Variants in KATNB1 observed in about 807,000 individuals in gnomAD.
KATNB1 encodes the protein katanin p80 WD40 repeat-containing subunit B1.
In KATNB1, 38 loss-of-function variants were observed where a neutral mutation model predicts 82.3. That is an observed-to-expected ratio of 0.46 (90% CI 0.36 to 0.61). KATNB1 has a LOEUF of 0.61. KATNB1 is among the 20% of genes least tolerant of loss of function. The pLI, the probability that KATNB1 is intolerant of heterozygous loss-of-function variation, is 0.00. For synonymous variants in KATNB1, 361 were observed against 368.7 expected, an observed-to-expected ratio of 0.98 and a Z score of 0.24; for missense variants, 749 against 915.7, an observed-to-expected ratio of 0.82 and a Z score of 2.35.
intron 2 of KATNB1, 35 bp from the exon 3 acceptor site, chr16:57,741,652 G>T (rs782476196): frequency 3.8e-6 from 6 of 1,594,178 alleles, no homozygotes; most frequent in Non-Finnish European, 4.3e-6. Flanking sequence ...CCATCGGGCC[G>T]CCCTGATGGC....
intron 3 of KATNB1, among the ~76,000 whole-genome samples, chr16:57,744,159 A>G (rs945916448): frequency 6.6e-6 from 1 of 152,144 alleles, no homozygotes; most frequent in Non-Finnish European, 1.5e-5. Flanking sequence ...AGCAGGGAAG[A>G]GGGAGGTGGT....
At chr16:57,744,803 T>C (rs1224727692) in intron 4 of KATNB1, among the ~76,000 whole-genome samples, 1 of 143,096 alleles carries the variant, frequency 7.0e-6, no homozygotes, top group Non-Finnish European at 1.5e-5. Context: ...GTGTGTGTGT[T>C]TAGAACCTAG....
chr16:57,756,671 TG>T, intron 19 of KATNB1, 142 bp from the exon 20 acceptor site: 1 of 1,357,212 alleles, frequency 7.4e-7, no homozygotes, highest in Non-Finnish European at 9.8e-7. Flanking sequence ...CCACAATCCC[TG>T]GCAGGGCCTG....
At position 57,755,905 on chromosome 16, in the gene KATNB1, T is replaced by A; in HGVS notation, c.1631T>A (p.Val544Asp). The A allele has an allele frequency of 6.3e-7, 1 of 1,598,384 alleles. No homozygotes were observed. The highest frequency in any genetic ancestry group is 8.6e-7 in the Non-Finnish European group (1 of 1,168,010). Residue 544 changes from valine (V) to aspartate (D), a missense_variant, in exon 17 of 20, where the codon GTC becomes GAC. Physicochemically the swap from Val to Asp is radical, Grantham distance 152. Around this residue, in one of 3 missense-constraint regions of KATNB1, gnomAD observed 407 missense variants for 434.7 expected, o/e 0.94. Coordinates refer to ENST00000379661, the MANE Select transcript of KATNB1 (RefSeq NM_005886.3). ...LSVVVDLLNIVNQKASLWKLD... is the reference protein window; with the variant it reads ...LSVVVDLLNIDNQKASLWKLD... ...GTGGTGGTGGACCTCCTGAACATCG[T>A]CAACCAGAAAGCGTAAGTGGCTGCA...
intron 3 of KATNB1, among the ~76,000 whole-genome samples, chr16:57,742,980 ACT>A (rs2148790046): frequency 6.6e-6 from 1 of 151,980 alleles, no homozygotes; most frequent in Non-Finnish European, 1.5e-5. Flanking sequence ...CATTGTTGTG[ACT>A]CTTGGTGAAA....
rs782804194 is a variant in KATNB1, at chr16:57,755,340, C to T, written c.1417-5C>T. 5.6e-6 allele frequency: 9 copies of T among 1,612,808 alleles called. No individual in the cohort carries two copies. Among genetic ancestry groups the T allele is most frequent in the South Asian group, 1.1e-5 (1 of 91,072 alleles). The stretch of plus-strand genomic sequence containing the variant: ...TGCCAGCATCTGGGTGTCCATCCCA[C>T]GCAGGCCGTGAAGATCCCCCAGCAG... On this transcript the variant is annotated splice_region_variant and splice_polypyrimidine_tract_variant and intron_variant, in intron 15 of 19. Coordinates refer to ENST00000379661, the MANE Select transcript of KATNB1 (RefSeq NM_005886.3).
At position 57,757,156 on chromosome 16, in the gene KATNB1, GC is replaced by G; in HGVS notation, c.*213del. The G allele has an allele frequency of 2.2e-6, 1 of 449,412 alleles. No individual in the cohort carries two copies. The highest frequency in any genetic ancestry group is 3.7e-6 in the Non-Finnish European group (1 of 271,328). The allele number at this position is 449,412 out of a possible 1,614,324, so 27.8% of individuals were successfully genotyped here. Reference sequence around the variant, plus strand: ...TCTCCAGCAATAGCTGCCCAGCTTTGCCCAACTGTTGCTTCTTGGGGCAGCG... The same window carrying G: ...TCTCCAGCAATAGCTGCCCAGCTTTGCCAACTGTTGCTTCTTGGGGCAGCG... On this transcript the variant is annotated 3_prime_UTR_variant, in exon 20 of 20. Coordinates refer to ENST00000379661, the MANE Select transcript of KATNB1 (RefSeq NM_005886.3).
chr16:57,738,919 G>C (rs1201388674), intron 2 of KATNB1, among the ~76,000 whole-genome samples: 2 of 148,012 alleles, frequency 1.4e-5, no homozygotes, highest in African/African-American at 4.9e-5. Flanking sequence ...GTCTCCTCTA[G>C]TTGCAAGCTG....
At chr16:57,752,411 G>T in intron 8 of KATNB1, 119 bp from the exon 9 acceptor site, 1 of 889,750 alleles carries the variant, frequency 1.1e-6, no homozygotes. Context: ...TGCCCCAGAT[G>T]TTGCTCCTGG....
intron 2 of KATNB1, among the ~76,000 whole-genome samples, chr16:57,740,150 T>G (rs2049131029): frequency 1.3e-5 from 2 of 151,858 alleles, no homozygotes; most frequent in South Asian, 4.2e-4. Flanking sequence ...GACAGAAGGC[T>G]CTCATCGAGA....
Position 57,756,041 on chromosome 16 carries a change from A to C in KATNB1, c.1693A>C (p.Lys565Gln). Reference sequence around the variant, plus strand: ...CACCACCGTCCTGCCACAGATTGAGAAGCTTCTGCAGAGCAAGTATGAGAG... The same window carrying C: ...CACCACCGTCCTGCCACAGATTGAGCAGCTTCTGCAGAGCAAGTATGAGAG... ...LCTTVLPQIE[K>Q]LLQSKYESYV... Residue 565 changes from lysine (K) to glutamine (Q), a missense_variant, in exon 18 of 20, where the codon AAG (lysine) becomes CAG (glutamine). Lys to Gln is a moderately conservative substitution (Grantham distance 53). Transcript: ENST00000379661. 1 of 1,610,264 alleles carries C rather than the reference A, an allele frequency of 6.2e-7. No individual in the cohort carries two copies. Among genetic ancestry groups the C allele is most frequent in the South Asian group, 1.1e-5 (1 of 91,086 alleles).
intron 4 of KATNB1, among the ~76,000 whole-genome samples, chr16:57,747,760 A>C (rs2049194239): frequency 6.6e-6 from 1 of 152,236 alleles, no homozygotes; most frequent in South Asian, 2.1e-4. Flanking sequence ...CCAGCCATTC[A>C]GTATTCACCG....
chr16:57,755,524 T>G, intron 16 of KATNB1, 30 bp downstream of exon 16: 1 of 1,599,858 alleles, frequency 6.3e-7, no homozygotes, highest in South Asian at 1.1e-5. Context: ...CAGGGCCTCA[T>G]CTCGCCCCCC....
Position 57,741,718 on chromosome 16 carries a change from C to T in KATNB1, c.72C>T (p.Ser24=). Residue 24 remains serine, a synonymous_variant, in exon 3 of 20, where the codon TCC becomes TCT. Transcript: ENST00000379661. ...TCGTCGCGCATGCCAGCAACGTGTC[C>T]TCACTGGTGCTGGGCAAAGCCTCCG... is the stretch of plus-strand genomic sequence containing the variant. ...QEIVAHASNV[S]SLVLGKASGR... The T allele has an allele frequency of 6.2e-7, 1 of 1,614,152 alleles. No homozygotes were observed. Among genetic ancestry groups the T allele is most frequent in the Non-Finnish European group, 8.5e-7 (1 of 1,180,034 alleles).
intron 2 of KATNB1, among the ~76,000 whole-genome samples, 175 bp from the exon 3 acceptor site, chr16:57,741,512 C>T (rs551402661): frequency 1.3e-5 from 2 of 152,342 alleles, no homozygotes; most frequent in South Asian, 2.1e-4. Flanking sequence ...AGGCCCATGC[C>T]CTGCCCTGTC....
rs368894250 is a variant in KATNB1 at position 57,751,321 on chromosome 16, G to A, written c.432+19G>A. On this transcript the variant is annotated intron_variant, in intron 6 of 19. Transcript: ENST00000379661. The surrounding 1 kb of genome is among the most constrained non-coding windows in gnomAD (Gnocchi z 6.3). ...ATACAGGGTAAGGATGCGCTCTGTCGGTGACTCCATGAGCACCTTGCGGGC... is the reference window on the plus strand; with the variant it reads ...ATACAGGGTAAGGATGCGCTCTGTCAGTGACTCCATGAGCACCTTGCGGGC... The A allele has an allele frequency of 1.9e-5, 30 of 1,611,260 alleles. No individual in the cohort carries two copies. In the East Asian group the frequency reaches 2.7e-4, roughly 14 times the overall value.
intron 13 of KATNB1, 102 bp from the exon 14 acceptor site, chr16:57,754,828 C>T: frequency 2.5e-6 from 3 of 1,207,038 alleles, no homozygotes; most frequent in Non-Finnish European, 2.4e-6. Flanking sequence ...GCTCCTGCTC[C>T]ATCCCCCCAT....
chr16:57,747,905 C>T (rs1404157171), intron 4 of KATNB1, among the ~76,000 whole-genome samples: 1 of 152,192 alleles, frequency 6.6e-6, no homozygotes, highest in East Asian at 1.9e-4. Flanking sequence ...CTGAAGATTG[C>T]TGGATTCCTG....
At chr16:57,746,907 A>G (rs1198327437) in intron 4 of KATNB1, among the ~76,000 whole-genome samples, 4 of 152,112 alleles carry the variant, frequency 2.6e-5, no homozygotes, top group African/African-American at 9.7e-5. Context: ...TTTTTGAGAC[A>G]GTGTCACTCT....
Sources: allele counts gnomAD v4.1 joint callset (sites outside exome capture counted in the v4.1 genomes callset), GRCh38; gene constraint gnomAD v4.1.1; regional missense constraint gnomAD v4.1.1; non-coding constraint Gnocchi (gnomAD v3.1); transcripts MANE v1.5; gene names NCBI Gene and HGNC (gene_info 2026-07-23, HGNC 2026-07-21).